CSMD1: variants seen among roughly 807,000 people sequenced by gnomAD.
CSMD1 encodes the protein CUB and Sushi multiple domains 1.
CSMD1 carries 213 observed loss-of-function variants against 417.5 expected under a neutral mutation model. That is an observed-to-expected ratio of 0.51 (90% confidence interval 0.46 to 0.57). The LOEUF is 0.57. CSMD1 is among the 20% of genes least tolerant of loss of function. CSMD1 has a pLI of 0.00. For synonymous variants in CSMD1, 2,862 were observed against 1,736.8 expected, an observed-to-expected ratio of 1.65 and a Z score of -16.11; for missense variants, 6,923 against 4,529.7, an observed-to-expected ratio of 1.53 and a Z score of -15.17.
In CSMD1 at chr8:4,180,001, A is replaced by G. The variant is rs1230712492; in HGVS notation, c.416-147902T>C. On this transcript the variant is annotated intron_variant, in intron 3 of 69. Transcript: ENST00000635120. ...AGTGGGACTGTAAACTAATTCAACCATTGTGGAAGTCAGTGTGGCGATTCC... is the reference window on the plus strand; with the variant it reads ...AGTGGGACTGTAAACTAATTCAACCGTTGTGGAAGTCAGTGTGGCGATTCC... Among the ~76,000 whole-genome samples, 9 of 152,220 alleles carry G rather than the reference A, an allele frequency of 5.9e-5. No homozygotes were observed. The East Asian group carries it at 1.7e-3, about 30-fold the overall frequency.
intron 7 of CSMD1, among the ~76,000 whole-genome samples, chr8:3,695,254 G>A (rs75346047): frequency 0.019 from 2,953 of 152,130 alleles, 89 homozygotes; most frequent in African/African-American, 0.064. Flanking sequence ...ACATGGGCAA[G>A]GATATTAATC....
In CSMD1 at chr8:3,187,513, C is replaced by T. The variant is rs562648688; in HGVS notation, c.5620+356G>A. ...TGCTCAGTGTAATTTTCCCAGATTG[C>T]TTAATGTCAGGCTGTGCATTTTAAG... On this transcript the variant is annotated intron_variant, in intron 36 of 69. Coordinates refer to ENST00000635120, the MANE Select transcript of CSMD1 (RefSeq NM_033225.6). Among the ~76,000 whole-genome samples the T allele has an allele frequency of 2.0e-5, 3 of 152,252 alleles. No individual in the cohort carries two copies. In the East Asian group the frequency reaches 5.8e-4, roughly 29 times the overall value.
In CSMD1 at chr8:4,565,665, G is replaced by A. The variant is rs563922787; in HGVS notation, c.302+71677C>T. Among the ~76,000 whole-genome samples, 22 of 150,344 alleles carry A rather than the reference G, an allele frequency of 1.5e-4. No homozygotes were observed. In the South Asian group the frequency reaches 2.1e-3, roughly 14 times the overall value. ...CAGGAGAACCGTTTGAACCAAGGAG[G>A]CAGAGGTTGCAGTGAGCTGGGATTG... is the stretch of plus-strand genomic sequence containing the variant. On this transcript the variant is annotated intron_variant, in intron 2 of 69. Transcript: ENST00000635120.
intron 1 of CSMD1, among the ~76,000 whole-genome samples, chr8:4,973,584 T>A (rs1003827521): frequency 2.0e-5 from 3 of 152,200 alleles, no homozygotes; most frequent in African/African-American, 4.8e-5. Context: ...CAATCAAACA[T>A]AAAATTGACT....
At chr8:4,000,109 C>T (rs1042740476) in intron 4 of CSMD1, among the ~76,000 whole-genome samples, 1 of 152,246 alleles carries the variant, frequency 6.6e-6, no homozygotes, top group Non-Finnish European at 1.5e-5. Context: ...TGCCCCCCGC[C>T]CTCCGTGGGC....
intron 15 of CSMD1, among the ~76,000 whole-genome samples, chr8:3,401,267 G>T (rs900379158): frequency 6.6e-6 from 1 of 152,080 alleles, no homozygotes; most frequent in Non-Finnish European, 1.5e-5. Flanking sequence ...TTATTTCTAT[G>T]TGTGAATTTC....
chr8:4,083,035 T>G (rs1041235485), intron 3 of CSMD1, among the ~76,000 whole-genome samples: 1 of 152,092 alleles, frequency 6.6e-6, no homozygotes, highest in African/African-American at 2.4e-5. Context: ...TTGGGTTTGT[T>G]CCAAGTCTTT....
At chr8:4,972,400 A>T (rs1367034051) in intron 1 of CSMD1, among the ~76,000 whole-genome samples, 2 of 152,136 alleles carry the variant, frequency 1.3e-5, no homozygotes, top group Non-Finnish European at 1.5e-5. Context: ...TGTTCTCATG[A>T]TAGCAAGTGA....
chr8:4,517,230 T>C (rs1466601462), intron 2 of CSMD1, among the ~76,000 whole-genome samples: 2 of 152,166 alleles, frequency 1.3e-5, no homozygotes, highest in African/African-American at 4.8e-5. Context: ...TCAAGGCCTA[T>C]ACATAAACAA....
At chr8:4,070,775 C>T (rs906106409) in intron 3 of CSMD1, among the ~76,000 whole-genome samples, 4 of 152,218 alleles carry the variant, frequency 2.6e-5, no homozygotes, top group Admixed American at 2.0e-4. Flanking sequence ...CACTGACACC[C>T]TCTCATAAGC....
At chr8:4,056,423 G>C (rs887021934) in intron 3 of CSMD1, among the ~76,000 whole-genome samples, 9 of 145,278 alleles carry the variant, frequency 6.2e-5, no homozygotes, top group East Asian at 4.0e-4. Context: ...TTTTTTGTTT[G>C]TGCCAAACTA....
At chr8:4,318,776 T>A (rs1717971772) in intron 3 of CSMD1, among the ~76,000 whole-genome samples, 1 of 151,518 alleles carries the variant, frequency 6.6e-6, no homozygotes. Context: ...TACCATATAT[T>A]GGCATTGTAT....
At chr8:3,212,981 A>G (rs1359725049) in intron 30 of CSMD1, among the ~76,000 whole-genome samples, 1 of 151,848 alleles carries the variant, frequency 6.6e-6, no homozygotes, top group Non-Finnish European at 1.5e-5. Flanking sequence ...GGTGTGCACC[A>G]CCACGCCCAG....
At chr8:3,743,319 G>A (rs922709349) in intron 6 of CSMD1, among the ~76,000 whole-genome samples, 15 of 152,176 alleles carry the variant, frequency 9.9e-5, no homozygotes, top group Non-Finnish European at 1.5e-5. Flanking sequence ...CCTGGATGCT[G>A]GAAGCAACAA....
rs181464238 is a variant in CSMD1, at chr8:3,262,678, C to A, written c.4153+21466G>T. Among the ~76,000 whole-genome samples the A allele has an allele frequency of 2.6e-5, 4 of 152,126 alleles. No individual in the cohort carries two copies. The East Asian group carries it at 7.7e-4, about 29-fold the overall frequency. On this transcript the variant is annotated intron_variant, in intron 26 of 69. Coordinates refer to ENST00000635120, the MANE Select transcript of CSMD1 (RefSeq NM_033225.6). ...GAATAAGTGACATTATTCAAGCAAA[C>A]ATGGAATACCTGGTGTAATCTGCCC...
chr8:4,500,174 G>T (rs1447420500), intron 2 of CSMD1, among the ~76,000 whole-genome samples: 1 of 152,140 alleles, frequency 6.6e-6, no homozygotes, highest in African/African-American at 2.4e-5. Flanking sequence ...AAGAGGCTGG[G>T]AGAATACAAT....
chr8:3,021,604 A>G (rs1809399979), intron 51 of CSMD1, among the ~76,000 whole-genome samples: 1 of 152,240 alleles, frequency 6.6e-6, no homozygotes, highest in South Asian at 2.1e-4. Flanking sequence ...TGCACAAAAA[A>G]GACACTTGGC....
chr8:3,194,015 T>C (rs1269504247), intron 33 of CSMD1, among the ~76,000 whole-genome samples: 1 of 152,214 alleles, frequency 6.6e-6, no homozygotes, highest in Non-Finnish European at 1.5e-5. Context: ...CTTTTTGATG[T>C]AGTGACTGAG....
At chr8:3,136,267 T>C (rs1274581277) in intron 41 of CSMD1, among the ~76,000 whole-genome samples, 2 of 150,082 alleles carry the variant, frequency 1.3e-5, no homozygotes, top group Non-Finnish European at 3.0e-5. Context: ...TTTTTTTTTT[T>C]GCCCCCCGAG....
Sources: gnomAD v4.1 joint callset for allele counts (sites outside exome capture counted in the v4.1 genomes callset) on GRCh38, gnomAD v4.1.1 for gene constraint, MANE v1.5 for transcripts, NCBI Gene and HGNC (gene_info 2026-07-23, HGNC 2026-07-21) for gene names.